The following DOP1B variants were observed in gnomAD, a reference collection of about 807,000 sequenced individuals.
DOP1B encodes the protein protein DOP1B.
Under a neutral mutation model 233.5 loss-of-function variants are expected in DOP1B, and 174 were observed. The ratio of observed to expected loss-of-function variants is 0.75; its 90% CI spans 0.66 to 0.85. The LOEUF (loss-of-function observed/expected upper bound fraction) is 0.85, where lower values mean the gene tolerates loss of function less well. DOP1B is among the 40% of genes least tolerant of loss of function. DOP1B has a pLI of 0.00. For missense variants in DOP1B, 2,652 were observed against 2,846.6 expected, an observed-to-expected ratio of 0.93 and a Z score of 1.56; for synonymous variants, 1,190 against 1,185.6, an observed-to-expected ratio of 1.00 and a Z score of -0.08.
At chr21:36,286,666 A>G (rs1274696168) in intron 32 of DOP1B, among the ~76,000 whole-genome samples, 1 of 131,100 alleles carries the variant, frequency 7.6e-6, no homozygotes. Context: ...ACACACACAC[A>G]CACACACAAA....
chr21:36,208,697 A>G lies in DOP1B; in HGVS notation c.492-18A>G, dbSNP rs756261149. On this transcript the variant is annotated intron_variant, in intron 4 of 36. Coordinates refer to ENST00000691173, the MANE Select transcript of DOP1B (RefSeq NM_001320714.2). ...AAGATGGGGCGAGCCCTTGAACCCT[A>G]TCCTCTCTCATCAACAGAACGGATG... 3.0e-5 allele frequency: 49 copies of G among 1,609,624 alleles called. No individual in the cohort carries two copies. Among genetic ancestry groups the G allele is most frequent in the East Asian group, 6.8e-5 (3 of 44,288 alleles).
chr21:36,237,094 G>A (rs190764031), intron 15 of DOP1B, among the ~76,000 whole-genome samples, 168 bp from the exon 16 acceptor site: 255 of 152,130 alleles, frequency 1.7e-3, no homozygotes, highest in Non-Finnish European at 2.7e-3. Context: ...CCTTTGGTAG[G>A]TTTCTTGCTT....
In DOP1B at chr21:36,229,138, G is replaced by T. The variant is rs1569035863; in HGVS notation, c.1665+1261G>T. On this transcript the variant is annotated intron_variant, in intron 13 of 36. Transcript: ENST00000691173. ...TGTTTTATGTGTGTGTTTGTGGCAT[G>T]TGATTTTGGTTATTTCGAATATAAG... Among the ~76,000 whole-genome samples the T allele has an allele frequency of 5.9e-5, 9 of 152,332 alleles. No individual in the cohort carries two copies. The South Asian group carries it at 1.9e-3, about 32-fold the overall frequency.
intron 2 of DOP1B, among the ~76,000 whole-genome samples, chr21:36,176,260 T>TG (rs1278726541): frequency 6.6e-6 from 1 of 152,078 alleles, no homozygotes; most frequent in Non-Finnish European, 1.5e-5. Context: ...ACATGTCTGC[T>TG]GGGGGTGGCC....
intron 22 of DOP1B, among the ~76,000 whole-genome samples, chr21:36,252,236 T>C (rs2067039715): frequency 6.6e-6 from 1 of 152,048 alleles, no homozygotes; most frequent in African/African-American, 2.4e-5. Context: ...TGGTCACTTA[T>C]CCTAGCACTG....
At chr21:36,263,173 G>T (rs1358113303) in intron 24 of DOP1B, among the ~76,000 whole-genome samples, 1 of 147,048 alleles carries the variant, frequency 6.8e-6, no homozygotes, top group Non-Finnish European at 1.5e-5. Context: ...GGCGAAGGAT[G>T]CAGTGAGCCG....
chr21:36,208,788 G>A lies in DOP1B; in HGVS notation c.565G>A (p.Val189Ile), dbSNP rs145634540. 300 of 1,611,854 alleles carry A rather than the reference G, an allele frequency of 1.9e-4. No homozygotes were observed. The highest frequency in any genetic ancestry group is 1.5e-3 in the African/African-American group (112 of 74,958). ...GTTTTACACCGCCCTCTGGGGGAGC[G>A]TCCTGGCCAGCCCGTCCATCCGCCT... The part of the protein sequence containing the change: ...EVFYTALWGS[V>I]LASPSIRLPA... The change falls in exon 5 of 37, where the codon GTC becomes ATC. Residue 189 changes from valine to isoleucine, a missense_variant. Val to Ile is a conservative substitution (Grantham distance 29). Around this residue, in one of 3 missense-constraint regions of DOP1B, gnomAD observed 2,617 missense variants for 2,794.3 expected, o/e 0.94. Transcript: ENST00000691173.
intron 2 of DOP1B, among the ~76,000 whole-genome samples, chr21:36,187,467 GT>G: frequency 6.6e-6 from 1 of 150,860 alleles, no homozygotes; most frequent in East Asian, 2.0e-4. Flanking sequence ...GCTAATTTTT[GT>G]TTTTTTTTAG....
intron 1 of DOP1B, among the ~76,000 whole-genome samples, chr21:36,161,894 CG>C (rs1196715146): frequency 6.6e-6 from 1 of 152,134 alleles, no homozygotes; most frequent in African/African-American, 2.4e-5. Flanking sequence ...TTCCACTAAG[CG>C]TGTGTTTTCA....
At chr21:36,235,522 G>A (rs1002056859) in intron 15 of DOP1B, among the ~76,000 whole-genome samples, 1 of 151,614 alleles carries the variant, frequency 6.6e-6, no homozygotes, top group Admixed American at 6.6e-5. Flanking sequence ...TCAGGAGTTC[G>A]AGACCAGTCT....
In DOP1B at chr21:36,230,687, G is replaced by A. The variant is rs370342108; in HGVS notation, c.1903G>A (p.Ala635Thr). The A allele has an allele frequency of 6.8e-6, 11 of 1,614,030 alleles. No homozygotes were observed. In the African/African-American group the frequency reaches 8.0e-5, roughly 12 times the overall value. ...RTFLCIQELIANFASKNIFGV... is the reference protein window; with the variant it reads ...RTFLCIQELITNFASKNIFGV... ...GTTTCTTTGCATCCAAGAGCTAATC[G>A]CCAACTTTGCCAGCAAGAACATTTT... Residue 635 changes from alanine (A) to threonine (T), a missense_variant, in exon 14 of 37, where the codon GCC becomes ACC. Around this residue, in one of 3 missense-constraint regions of DOP1B, gnomAD observed 2,617 missense variants for 2,794.3 expected, o/e 0.94. Coordinates refer to ENST00000691173, the MANE Select transcript of DOP1B (RefSeq NM_001320714.2).
At chr21:36,264,416 A>C (rs1293870276) in intron 26 of DOP1B, among the ~76,000 whole-genome samples, 1 of 152,052 alleles carries the variant, frequency 6.6e-6, no homozygotes, top group Non-Finnish European at 1.5e-5. Flanking sequence ...GTCTCAAAAA[A>C]ATTTTTTAAA....
intron 21 of DOP1B, among the ~76,000 whole-genome samples, chr21:36,250,065 T>C (rs143529665): frequency 1.3e-5 from 2 of 152,224 alleles, no homozygotes; most frequent in East Asian, 3.9e-4. Flanking sequence ...CCTGTCCTCA[T>C]GGGTTGAGGG....
At position 36,204,658 on chromosome 21, in the gene DOP1B, ATTTTT is replaced by A. The variant is rs56725433; in HGVS notation, c.492-4045_492-4041del. The stretch of plus-strand genomic sequence containing the variant: ...GCCACCCCTTTTGGCTGACATTTCT[ATTTTT>A]TTTTTTTTTTTGAGACAGTCTCGCT... On this transcript the variant is annotated intron_variant, in intron 4 of 36. Transcript: ENST00000691173. Among the ~76,000 whole-genome samples, 783 of 115,176 alleles carry A rather than the reference ATTTTT, an allele frequency of 6.8e-3. 21 individuals carry two copies. Among genetic ancestry groups the A allele is most frequent in the African/African-American group, 0.025 (729 of 29,284 alleles). 75.6% of individuals were successfully genotyped at this position (115,176 alleles called of 152,430 possible). A position where few individuals can be genotyped will look rare whatever the true frequency, so the allele number is the denominator to read the frequency against.
At chr21:36,164,962 G>A (rs921719437) in intron 2 of DOP1B, 91 bp downstream of exon 2, 16 of 1,123,500 alleles carry the variant, frequency 1.4e-5, no homozygotes, top group Non-Finnish European at 1.8e-5. Context: ...TATATTATTT[G>A]TATTTTATAA....
rs775589916 is a variant in DOP1B at position 36,245,768 on chromosome 21, C to T, written c.3788C>T (p.Ser1263Phe). Residue 1263 changes from serine to phenylalanine, a missense_variant, in exon 19 of 37, where the codon TCC (serine) becomes TTC (phenylalanine). Transcript: ENST00000691173. The surrounding 1 kb of genome is among the most constrained non-coding windows in gnomAD (Gnocchi z 5.5). ...CCTAAGGAATTCATCGAGGCTGTGT[C>T]CAGGACTAGCATGGATACCAGCTCC... Reference protein sequence around the residue: ...TNPKEFIEAVSRTSMDTSSTA... With the variant: ...TNPKEFIEAVFRTSMDTSSTA... The T allele has an allele frequency of 6.2e-7, 1 of 1,613,912 alleles. No homozygotes were observed. The highest frequency in any genetic ancestry group is 1.3e-5 in the African/African-American group (1 of 74,910).
At chr21:36,240,465 G>C (rs1391049706) in intron 18 of DOP1B, among the ~76,000 whole-genome samples, 1 of 152,220 alleles carries the variant, frequency 6.6e-6, no homozygotes, top group East Asian at 1.9e-4. Flanking sequence ...GGGTGACAGA[G>C]AGAGACTGTC....
intron 2 of DOP1B, among the ~76,000 whole-genome samples, chr21:36,182,464 T>TAGAA (rs2066110994): frequency 6.6e-6 from 1 of 152,028 alleles, no homozygotes; most frequent in African/African-American, 2.4e-5. Flanking sequence ...GCAGGGTGGC[T>TAGAA]TCTGGAAAGG....
At chr21:36,228,850 AGT>A (rs1442313949) in intron 13 of DOP1B, among the ~76,000 whole-genome samples, 53 of 152,176 alleles carry the variant, frequency 3.5e-4, no homozygotes, top group African/African-American at 1.2e-3. Flanking sequence ...GTTCACCTGT[AGT>A]TCCATCTACT....
Sources: allele counts gnomAD v4.1 joint callset (sites outside exome capture counted in the v4.1 genomes callset), GRCh38; gene constraint gnomAD v4.1.1; regional missense constraint gnomAD v4.1.1; non-coding constraint Gnocchi (gnomAD v3.1); transcripts MANE v1.5; gene names NCBI Gene and HGNC (gene_info 2026-07-23, HGNC 2026-07-21).